Variants in KCNIP4 observed in about 807,000 individuals in gnomAD.
KCNIP4 encodes the protein Kv channel-interacting protein 4.
In KCNIP4, 12 loss-of-function variants were observed where a neutral mutation model predicts 34.0. The ratio of observed to expected loss-of-function variants is 0.35; its 90% CI spans 0.23 to 0.57. KCNIP4 has a LOEUF of 0.57. Ranked by LOEUF, KCNIP4 falls within the 20% of genes least tolerant of loss-of-function variation. The pLI is 0.83. For missense variants in KCNIP4, 238 were observed against 311.7 expected, an observed-to-expected ratio of 0.76 and a Z score of 1.78; for synonymous variants, 124 against 102.2, an observed-to-expected ratio of 1.21 and a Z score of -1.29.
intron 1 of KCNIP4, among the ~76,000 whole-genome samples, chr4:21,345,748 C>A (rs538715358): frequency 7.2e-5 from 11 of 152,044 alleles, no homozygotes; most frequent in Admixed American, 3.9e-4. Context: ...GCAGAGAATG[C>A]ACAAATTAGA....
intron 1 of KCNIP4, among the ~76,000 whole-genome samples, chr4:21,133,127 C>T (rs1751213742): frequency 6.6e-6 from 1 of 152,154 alleles, no homozygotes; most frequent in Non-Finnish European, 1.5e-5. Context: ...CTAAGATTTC[C>T]CTTCTTGAGT....
rs543327655 is a variant in KCNIP4 at position 21,931,278 on chromosome 4, T to A, written c.61+17293A>T. On this transcript the variant is annotated intron_variant, in intron 1 of 8. Transcript: ENST00000382152. ...AAACTATCCTTTTCTTTGTTTTTTTTAAATTATACTTTAAGTTTTAGGGTA... is the reference window on the plus strand; with the variant it reads ...AAACTATCCTTTTCTTTGTTTTTTTAAAATTATACTTTAAGTTTTAGGGTA... Among the ~76,000 whole-genome samples the A allele has an allele frequency of 3.3e-5, 5 of 152,006 alleles. No homozygotes were observed. The South Asian group carries it at 8.3e-4, about 25-fold the overall frequency.
At chr4:21,710,468 G>T (rs1251506348) in intron 1 of KCNIP4, among the ~76,000 whole-genome samples, 1 of 152,206 alleles carries the variant, frequency 6.6e-6, no homozygotes, top group Non-Finnish European at 1.5e-5. Context: ...ACTGCGTACT[G>T]TAACCGAAAA....
intron 1 of KCNIP4, among the ~76,000 whole-genome samples, chr4:21,108,954 T>C (rs2109094618): frequency 6.6e-6 from 1 of 152,312 alleles, no homozygotes; most frequent in East Asian, 1.9e-4. Flanking sequence ...ATCATTCCTC[T>C]GGAAGTTTTG....
intron 1 of KCNIP4, among the ~76,000 whole-genome samples, chr4:21,178,754 T>C (rs1754622333): frequency 6.6e-6 from 1 of 151,166 alleles, no homozygotes; most frequent in African/African-American, 2.5e-5. Context: ...ATATCTCCTG[T>C]GTCACTGAGA....
rs80279810 is a variant in KCNIP4, at chr4:21,537,659, C to T, written c.61+410912G>A. ...AAATATAATCAAGTCAAGATTAAGT[C>T]ATACTGTATTAGAGAGGGCCCTGAA... On this transcript the variant is annotated intron_variant, in intron 1 of 8. Transcript: ENST00000382152. 1.6e-3 allele frequency among the ~76,000 whole-genome samples: 243 copies of T among 152,158 alleles called. 1 individual carries two copies. The highest frequency in any genetic ancestry group is 2.1e-3 in the Non-Finnish European group (146 of 68,004).
chr4:21,367,471 C>CCTCCACTGTAGAA (rs1348675793), intron 1 of KCNIP4, among the ~76,000 whole-genome samples: 1 of 148,474 alleles, frequency 6.7e-6, no homozygotes, highest in African/African-American at 2.6e-5. Flanking sequence ...GAGACTCTAC[C>CCTCCACTGTAGAA]TAACTGGACA....
At chr4:21,465,234 C>T (rs1055710489) in intron 1 of KCNIP4, among the ~76,000 whole-genome samples, 1 of 152,106 alleles carries the variant, frequency 6.6e-6, no homozygotes, top group South Asian at 2.1e-4. Context: ...AGTAAACATA[C>T]ACTTGATTCT....
intron 1 of KCNIP4, among the ~76,000 whole-genome samples, chr4:21,215,317 A>G (rs572998649): frequency 6.6e-6 from 1 of 152,252 alleles, no homozygotes; most frequent in East Asian, 1.9e-4. Context: ...GCTTTGTTGG[A>G]ATGACAATGT....
At chr4:21,504,472 AAAAAAAGAAAGAAAG>A (rs1359588557) in intron 1 of KCNIP4, among the ~76,000 whole-genome samples, 2 of 131,024 alleles carry the variant, frequency 1.5e-5, no homozygotes, top group African/African-American at 6.4e-5. Context: ...ACTCAAAAAA[AAAAAAAGAAAGAAAG>A]AAAGAAAGAA....
At chr4:21,470,722 A>G (rs1436522619) in intron 1 of KCNIP4, among the ~76,000 whole-genome samples, 2 of 152,108 alleles carry the variant, frequency 1.3e-5, no homozygotes, top group East Asian at 1.9e-4. Flanking sequence ...AACCCCAAAG[A>G]GCTTGTGGTG....
chr4:21,307,205 C>A (rs1258996724), intron 1 of KCNIP4, among the ~76,000 whole-genome samples: 1 of 152,068 alleles, frequency 6.6e-6, no homozygotes, highest in Non-Finnish European at 1.5e-5. Context: ...TTACGGGTTC[C>A]TTTGCTGTTA....
intron 1 of KCNIP4, among the ~76,000 whole-genome samples, chr4:21,009,901 C>A (rs775869828): frequency 2.0e-5 from 3 of 152,174 alleles, no homozygotes; most frequent in Non-Finnish European, 4.4e-5. Context: ...TGCCTACTTT[C>A]TTTGTCAGCT....
At chr4:21,567,119 T>C (rs1739954780) in intron 1 of KCNIP4, among the ~76,000 whole-genome samples, 1 of 152,150 alleles carries the variant, frequency 6.6e-6, no homozygotes, top group African/African-American at 2.4e-5. Context: ...ATAATCACTA[T>C]GACAAAGATA....
intron 1 of KCNIP4, among the ~76,000 whole-genome samples, chr4:21,071,608 A>G (rs904734209): frequency 1.3e-5 from 2 of 152,148 alleles, no homozygotes; most frequent in East Asian, 3.9e-4. Context: ...CTATGTGTAT[A>G]TATATCTGTT....
At chr4:21,368,457 G>T (rs1389890238) in intron 1 of KCNIP4, among the ~76,000 whole-genome samples, 5 of 147,082 alleles carry the variant, frequency 3.4e-5, no homozygotes, top group Admixed American at 6.6e-5. Context: ...TATGTGCCAG[G>T]TCCTGTTCAA....
At chr4:20,763,758 A>C (rs1054093266) in intron 3 of KCNIP4, among the ~76,000 whole-genome samples, 1 of 152,180 alleles carries the variant, frequency 6.6e-6, no homozygotes, top group African/African-American at 2.4e-5. Flanking sequence ...ATGGGATCTC[A>C]CTATGTTGCC....
intron 1 of KCNIP4, among the ~76,000 whole-genome samples, chr4:20,909,127 C>T (rs1474162651): frequency 6.6e-6 from 1 of 152,144 alleles, no homozygotes; most frequent in Non-Finnish European, 1.5e-5. Context: ...ATCTGCTAAG[C>T]TAAAAAGTAG....
chr4:21,066,126 T>A (rs1744360513), intron 1 of KCNIP4, among the ~76,000 whole-genome samples: 1 of 152,242 alleles, frequency 6.6e-6, no homozygotes. Flanking sequence ...TCATGTGGTT[T>A]GTTTATAGGA....
Sources: allele counts gnomAD v4.1 joint callset (sites outside exome capture counted in the v4.1 genomes callset), GRCh38; gene constraint gnomAD v4.1.1; transcripts MANE v1.5; gene names NCBI Gene and HGNC (gene_info 2026-07-23, HGNC 2026-07-21).